The following ZNF662 variants were observed in gnomAD, a reference collection of about 807,000 sequenced individuals.
ZNF662 encodes zinc finger protein 662.
ZNF662 carries 14 observed loss-of-function variants against 12.4 expected under a neutral mutation model. That is an observed-to-expected ratio of 1.13 (90% CI 0.75 to 1.77). ZNF662 has a LOEUF of 1.77. Among genes scored for constraint, ZNF662 ranks in the 40% most tolerant of loss-of-function variants. ZNF662 has a pLI of 0.00. For missense variants in ZNF662, 550 were observed against 515.6 expected, an observed-to-expected ratio of 1.07 and a Z score of -0.65; for synonymous variants, 184 against 176.4, an observed-to-expected ratio of 1.04 and a Z score of -0.34.
rs1290432739 is a variant in ZNF662 at position 42,916,184 on chromosome 3, CTT to C, written c.*832_*833del. 6.6e-6 allele frequency: 1 copy of C among 152,054 alleles called. No homozygotes were observed. Among genetic ancestry groups the C allele is most frequent in the East Asian group, 1.9e-4 (1 of 5,184 alleles). 9.4% of individuals were successfully genotyped at this position (152,054 alleles called of 1,614,324 possible). On this transcript the variant is annotated 3_prime_UTR_variant, in exon 5 of 5. Coordinates refer to ENST00000440367, the MANE Select transcript of ZNF662 (RefSeq NM_207404.4). ...CTGGTTGTGTATCTCTGTAGATACT[CTT>C]TGTATACAAGTGTTTATTAGTATTG... is the stretch of plus-strand genomic sequence containing the variant.
Position 42,908,154 on chromosome 3 carries a change from G to T in ZNF662, c.34+6G>T. ...TGGGGCTGTGGCTTCCCTGGGTAAGGGTCTCTCCCTTTGGGCCCTGCCTCC... is the reference window on the plus strand; with the variant it reads ...TGGGGCTGTGGCTTCCCTGGGTAAGTGTCTCTCCCTTTGGGCCCTGCCTCC... On this transcript the variant is annotated splice_donor_region_variant and intron_variant, in intron 2 of 4. Transcript: ENST00000440367. The T allele has an allele frequency of 2.5e-6, 4 of 1,611,166 alleles. No individual in the cohort carries two copies. The highest frequency in any genetic ancestry group is 3.4e-6 in the Non-Finnish European group (4 of 1,178,002).
At position 42,916,826 on chromosome 3, in the gene ZNF662, C is replaced by G. The variant is rs912410487; in HGVS notation, c.*1472C>G. The G allele has an allele frequency of 3.3e-5, 5 of 152,240 alleles. No homozygotes were observed. Among genetic ancestry groups the G allele is most frequent in the African/African-American group, 1.2e-4 (5 of 41,446 alleles). 9.4% of individuals were successfully genotyped at this position (152,240 alleles called of 1,614,324 possible). ...ATCCTCTTCCAGTCTGTCCATCCCT[C>G]ACTACCATGATAGTCTACATTCTGA... On this transcript the variant is annotated 3_prime_UTR_variant, in exon 5 of 5. Transcript: ENST00000440367.
chr3:42,906,270 G>A lies in ZNF662; in HGVS notation c.-94+102G>A. 1 of 1,344,064 alleles carries A rather than the reference G, an allele frequency of 7.4e-7. No homozygotes were observed. The highest frequency in any genetic ancestry group is 1.0e-6 in the Non-Finnish European group (1 of 996,152). The allele number at this position is 1,344,064 out of a possible 1,614,324, so 83.3% of individuals were successfully genotyped here. A position where few individuals can be genotyped will look rare whatever the true frequency, so the allele number is the denominator to read the frequency against. On this transcript the variant is annotated intron_variant, in intron 1 of 4. Coordinates refer to ENST00000440367, the MANE Select transcript of ZNF662 (RefSeq NM_207404.4). The surrounding 1 kb of genome is among the most constrained non-coding windows in gnomAD (Gnocchi z 4.4). ...AGGGTAGCCGTGTCAGGCCTGCCCA[G>A]GTGCAGAGCGCTCTTCCGCGACCCC...
Position 42,914,383 on chromosome 3 carries a change from G to A in ZNF662, c.310G>A (p.Glu104Lys), listed in dbSNP as rs1304952351. Residue 104 changes from glutamate (E) to lysine (K), a missense_variant, in exon 5 of 5, where the codon GAA becomes AAA. Physicochemically the swap from Glu to Lys is moderately conservative, Grantham distance 56. Transcript: ENST00000440367. ...TATTCTGAAGGAGGAAATTATTGAG[G>A]AAGCACAGGACCTCATGGTCCTATC... ...DFILKEEIIE[E>K]AQDLMVLSSG... 1 of 1,609,718 alleles carries A rather than the reference G, an allele frequency of 6.2e-7. No individual in the cohort carries two copies. Among genetic ancestry groups the A allele is most frequent in the South Asian group, 1.1e-5 (1 of 89,832 alleles).
At chr3:42,909,349 A>G (rs944565644) in intron 3 of ZNF662, among the ~76,000 whole-genome samples, 2 of 152,196 alleles carry the variant, frequency 1.3e-5, no homozygotes, top group African/African-American at 4.8e-5. Flanking sequence ...GTTAGTGGAC[A>G]CAGCACATGT....
At chr3:42,912,828 C>T (rs1040673264) in intron 3 of ZNF662, among the ~76,000 whole-genome samples, 1 of 146,736 alleles carries the variant, frequency 6.8e-6, no homozygotes, top group African/African-American at 2.5e-5. Context: ...CAACCTCTGC[C>T]TCCCGGGTTC....
In ZNF662 at chr3:42,914,633, A is replaced by G. The variant is rs371996165; in HGVS notation, c.560A>G (p.Asn187Ser). The G allele has an allele frequency of 2.9e-5, 47 of 1,614,234 alleles. No individual in the cohort carries two copies. In the East Asian group the frequency reaches 8.0e-4, roughly 28 times the overall value. Residue 187 changes from asparagine (N) to serine (S), a missense_variant, in exon 5 of 5, where the codon AAT becomes AGT. Transcript: ENST00000440367. ...NLLGIHHKIL[N>S]EQIFYICEEC... ...CTTGGTATACATCACAAAATTCTAAATGAGCAAATATTCTATATATGTGAG... is the reference window on the plus strand; with the variant it reads ...CTTGGTATACATCACAAAATTCTAAGTGAGCAAATATTCTATATATGTGAG...
At chr3:42,908,202 C>CT in intron 2 of ZNF662, 54 bp downstream of exon 2, 2 of 1,566,050 alleles carry the variant, frequency 1.3e-6, no homozygotes, top group Admixed American at 1.9e-5. Flanking sequence ...TTGCTGGCTC[C>CT]TTTTTTCTCA....
intron 4 of ZNF662, 49 bp downstream of exon 4, chr3:42,913,351 A>G (rs371372531): frequency 1.1e-5 from 16 of 1,460,252 alleles, no homozygotes; most frequent in Middle Eastern, 3.5e-4. Flanking sequence ...ATCTTTTCCT[A>G]TCTTTCTTTT....
At position 42,906,688 on chromosome 3, in the gene ZNF662, C is replaced by A. The variant is rs2088684665; in HGVS notation, c.-94+520C>A. On this transcript the variant is annotated intron_variant, in intron 1 of 4. Coordinates refer to ENST00000440367, the MANE Select transcript of ZNF662 (RefSeq NM_207404.4). The surrounding 1 kb of genome is among the most constrained non-coding windows in gnomAD (Gnocchi z 4.4). The stretch of plus-strand genomic sequence containing the variant: ...AGTGCTGTCGGGGGCGATGAATGGC[C>A]AGAATTTCAGAGCTGCCTTTACAGA... Among the ~76,000 whole-genome samples the A allele has an allele frequency of 6.6e-6, 1 of 152,168 alleles. No homozygotes were observed. Among genetic ancestry groups the A allele is most frequent in the Admixed American group, 6.5e-5 (1 of 15,286 alleles).
Position 42,913,187 on chromosome 3 carries a change from C to G in ZNF662, c.152-14C>G, listed in dbSNP as rs1211089899. The stretch of plus-strand genomic sequence containing the variant: ...CTGACTGAGTCAGCCTTATTTGTAT[C>G]TTGACCCTGGCAGGATATCCATTTC... On this transcript the variant is annotated splice_polypyrimidine_tract_variant and intron_variant, in intron 3 of 4. Transcript: ENST00000440367. 1 of 1,605,872 alleles carries G rather than the reference C, an allele frequency of 6.2e-7. No individual in the cohort carries two copies.
rs1392027068 is a variant in ZNF662 at position 42,917,108 on chromosome 3, A to G, written c.*1754A>G. 5.2e-6 allele frequency: 1 copy of G among 193,172 alleles called. No homozygotes were observed. The highest frequency in any genetic ancestry group is 2.3e-5 in the African/African-American group (1 of 43,100). 12.0% of individuals were successfully genotyped at this position (193,172 alleles called of 1,614,324 possible). On this transcript the variant is annotated 3_prime_UTR_variant, in exon 5 of 5. Coordinates refer to ENST00000440367, the MANE Select transcript of ZNF662 (RefSeq NM_207404.4). ...CTTGAAATCAGGAGTTTTATAAAAC[A>G]ACATTTTTAGACGTGGTCATCTTTT...
At chr3:42,912,684 T>TAC (rs1466003216) in intron 3 of ZNF662, among the ~76,000 whole-genome samples, 2 of 19,430 alleles carry the variant, frequency 1.0e-4, no homozygotes, top group Non-Finnish European at 2.6e-4. Flanking sequence ...TATATATAAA[T>TAC]ATATATATAT....
intron 3 of ZNF662, among the ~76,000 whole-genome samples, chr3:42,912,637 A>T (rs1285725552): frequency 1.8e-4 from 12 of 66,662 alleles, no homozygotes; most frequent in African/African-American, 6.0e-4. Context: ...ATATTTATAT[A>T]TTTTATATAT....
chr3:42,911,457 C>G (rs892170270), intron 3 of ZNF662, among the ~76,000 whole-genome samples: 5 of 152,194 alleles, frequency 3.3e-5, no homozygotes, highest in Admixed American at 3.3e-4. Flanking sequence ...GGGAATTTCT[C>G]ATCTTTGCTT....
In ZNF662 at chr3:42,906,626, C is replaced by T. The variant is rs897619594; in HGVS notation, c.-94+458C>T. Among the ~76,000 whole-genome samples, 7 of 152,178 alleles carry T rather than the reference C, an allele frequency of 4.6e-5. No individual in the cohort carries two copies. The highest frequency in any genetic ancestry group is 1.4e-4 in the African/African-American group (6 of 41,442). ...CTCAAGGAGAGCAGACGTGCAGCGG[C>T]ACGGGGTTGAGCCGACTGCTGGGGC... is the stretch of plus-strand genomic sequence containing the variant. On this transcript the variant is annotated intron_variant, in intron 1 of 4. Transcript: ENST00000440367. The surrounding 1 kb of genome is among the most constrained non-coding windows in gnomAD (Gnocchi z 4.4).
intron 3 of ZNF662, among the ~76,000 whole-genome samples, chr3:42,909,742 ACATCT>A (rs912547229): frequency 2.0e-5 from 3 of 147,120 alleles, no homozygotes; most frequent in Admixed American, 1.3e-4. Flanking sequence ...GGAGCTCCTC[ACATCT>A]CAGACGGGGC....
At chr3:42,907,349 T>G (rs1246829832) in intron 1 of ZNF662, among the ~76,000 whole-genome samples, 1 of 152,104 alleles carries the variant, frequency 6.6e-6, no homozygotes, top group African/African-American at 2.4e-5. Context: ...TTGAGTACAG[T>G]GTTCAGAGCA....
In ZNF662 at chr3:42,915,139, G is replaced by A. The variant is rs1037556165; in HGVS notation, c.1066G>A (p.Gly356Arg). Reference protein sequence around the residue: ...DLSQHQRVHTGDKPHECTDCG... With the variant: ...DLSQHQRVHTRDKPHECTDCG... ...TTCTCAGCACCAGAGGGTCCACACT[G>A]GGGACAAGCCTCATGAATGTACTGA... The change falls in exon 5 of 5, where the codon GGG becomes AGG. Residue 356 changes from glycine (G) to arginine (R), a missense_variant. By Grantham distance (125) the Gly-to-Arg change is moderately radical (BLOSUM62 -2). Coordinates refer to ENST00000440367, the MANE Select transcript of ZNF662 (RefSeq NM_207404.4). 17 of 1,613,962 alleles carry A rather than the reference G, an allele frequency of 1.1e-5. No individual in the cohort carries two copies. Among genetic ancestry groups the A allele is most frequent in the Non-Finnish European group, 1.4e-5 (17 of 1,180,016 alleles).
Sources: gnomAD v4.1 joint callset for allele counts (sites outside exome capture counted in the v4.1 genomes callset) on GRCh38, gnomAD v4.1.1 for gene constraint, Gnocchi (gnomAD v3.1) non-coding constraint, MANE v1.5 for transcripts, NCBI Gene and HGNC (gene_info 2026-07-23, HGNC 2026-07-21) for gene names.